THBS4: variants seen among roughly 807,000 people sequenced by gnomAD.
THBS4 encodes the protein thrombospondin 4.
In THBS4, 90 loss-of-function variants were observed where a neutral mutation model predicts 115.7. That is an observed-to-expected ratio of 0.78 (90% CI 0.66 to 0.93). THBS4 has a LOEUF of 0.93. Ranked by LOEUF, THBS4 falls within the 40% of genes least tolerant of loss-of-function variation. The pLI, the probability that THBS4 is intolerant of heterozygous loss-of-function variation, is 0.00. For missense variants in THBS4, 1,087 were observed against 1,232.7 expected, an observed-to-expected ratio of 0.88 and a Z score of 1.77; for synonymous variants, 460 against 479.3, an observed-to-expected ratio of 0.96 and a Z score of 0.53.
intron 8 of THBS4, among the ~76,000 whole-genome samples, chr5:80,064,775 A>T (rs955231653): frequency 1.3e-5 from 2 of 152,228 alleles, no homozygotes; most frequent in African/African-American, 4.8e-5. Context: ...AGAAAAACAG[A>T]TAAGTTTGTA....
intron 1 of THBS4, among the ~76,000 whole-genome samples, chr5:79,991,874 G>T (rs1048787384): frequency 1.2e-4 from 18 of 152,146 alleles, no homozygotes; most frequent in African/African-American, 4.1e-4. Flanking sequence ...GGAGCTCTGG[G>T]TTCTTGTAGC....
rs141690500 is a variant in THBS4, at chr5:80,074,386, C to T, written c.1892+1059C>T. ...CTGGAAGAACATCACCAAAAACAGA[C>T]GTGTGTCACTCAGCCCTAGCGGCAC... On this transcript the variant is annotated intron_variant, in intron 15 of 21. Coordinates refer to ENST00000350881, the MANE Select transcript of THBS4 (RefSeq NM_003248.6). The T allele has an allele frequency of 9.2e-5, 14 of 152,392 alleles. 1 individual carries two copies. The highest frequency in any genetic ancestry group is 4.1e-4 in the South Asian group (2 of 4,828). The allele number at this position is 152,392 out of a possible 1,614,324, so 9.4% of individuals were successfully genotyped here.
At chr5:80,017,994 A>G (rs1407651478) in intron 2 of THBS4, among the ~76,000 whole-genome samples, 6 of 152,036 alleles carry the variant, frequency 3.9e-5, no homozygotes, top group Admixed American at 1.3e-4. Flanking sequence ...TACTTTTAAG[A>G]TAGATCCTCT....
chr5:80,019,136 G>A (rs1832310873), intron 2 of THBS4, among the ~76,000 whole-genome samples: 1 of 150,368 alleles, frequency 6.7e-6, no homozygotes, highest in Admixed American at 6.7e-5. Flanking sequence ...AAAACCACAA[G>A]AAGCAACATC....
chr5:80,060,629 A>G (rs1833599617), intron 7 of THBS4, among the ~76,000 whole-genome samples: 1 of 152,120 alleles, frequency 6.6e-6, no homozygotes, highest in African/African-American at 2.4e-5. Context: ...GCATGGTGGC[A>G]TGTGCCTGTG....
intron 1 of THBS4, chr5:79,991,490 C>CCTTT (rs1831671282): frequency 5.1e-6 from 2 of 393,182 alleles, no homozygotes; most frequent in African/African-American, 4.1e-5. Flanking sequence ...TAGAGTGTTC[C>CCTTT]AAACCCTTTG....
chr5:80,054,617 C>G (rs995505462), intron 2 of THBS4, among the ~76,000 whole-genome samples: 8 of 152,136 alleles, frequency 5.3e-5, no homozygotes, highest in African/African-American at 1.9e-4. Context: ...CTGCGCCCAG[C>G]CTGGCCAATT....
At chr5:80,058,135 G>A in intron 3 of THBS4, 71 bp from the exon 4 acceptor site, 1 of 1,164,956 alleles carries the variant, frequency 8.6e-7, no homozygotes, top group Non-Finnish European at 1.2e-6. Context: ...TATGAAAATT[G>A]CGTGAGTAGG....
At chr5:80,011,843 AGAT>A (rs1832132156) in intron 2 of THBS4, among the ~76,000 whole-genome samples, 1 of 89,270 alleles carries the variant, frequency 1.1e-5, no homozygotes, top group African/African-American at 5.5e-5. Context: ...TTAAGGTAAA[AGAT>A]AAAATATGCT....
At chr5:80,009,139 C>T (rs1832073167) in intron 2 of THBS4, among the ~76,000 whole-genome samples, 1 of 152,118 alleles carries the variant, frequency 6.6e-6, no homozygotes. Flanking sequence ...GGCTCAGGTT[C>T]CCAATATAGA....
At chr5:80,072,906 CCAAATTG>C (rs1834121657) in intron 14 of THBS4, among the ~76,000 whole-genome samples, 1 of 152,164 alleles carries the variant, frequency 6.6e-6, no homozygotes, top group African/African-American at 2.4e-5. Context: ...ATGATTTTGG[CCAAATTG>C]CAAATTGCAG....
At chr5:80,052,458 A>G (rs1833285869) in intron 2 of THBS4, 1 of 152,144 alleles carries the variant, frequency 6.6e-6, no homozygotes, top group African/African-American at 2.4e-5. Context: ...TCTTCATACC[A>G]CATTTATATA....
chr5:80,060,770 A>G (rs1833605567), intron 7 of THBS4, among the ~76,000 whole-genome samples: 1 of 152,172 alleles, frequency 6.6e-6, no homozygotes, highest in Non-Finnish European at 1.5e-5. Flanking sequence ...AACAAAAAAA[A>G]ACATGGTTAG....
intron 7 of THBS4, among the ~76,000 whole-genome samples, chr5:80,060,703 G>A (rs1343799126): frequency 6.6e-6 from 1 of 152,162 alleles, no homozygotes; most frequent in Non-Finnish European, 1.5e-5. Flanking sequence ...AGGCTGCAGT[G>A]AGCCATGATG....
At chr5:80,027,894 C>CAAAAAA (rs1159986888) in intron 2 of THBS4, among the ~76,000 whole-genome samples, 3 of 47,710 alleles carry the variant, frequency 6.3e-5, no homozygotes, top group Admixed American at 2.7e-4. Flanking sequence ...ACCCTGTCTC[C>CAAAAAA]AAAAAAAAAA....
chr5:80,076,561 A>G (rs1743226713), intron 15 of THBS4, among the ~76,000 whole-genome samples: 1 of 152,178 alleles, frequency 6.6e-6, no homozygotes, highest in African/African-American at 2.4e-5. Flanking sequence ...GTTGAGTATC[A>G]TCTAGCAGTT....
chr5:80,058,339 T>A, intron 4 of THBS4, 25 bp downstream of exon 4: 5 of 1,515,366 alleles, frequency 3.3e-6, no homozygotes, highest in Non-Finnish European at 4.5e-6. Flanking sequence ...GCAGTTTGCA[T>A]GCCTTCATCA....
intron 2 of THBS4, among the ~76,000 whole-genome samples, chr5:80,041,532 T>C (rs1032295288): frequency 9.2e-5 from 14 of 152,168 alleles, no homozygotes; most frequent in Non-Finnish European, 1.5e-4. Context: ...GGAAAGAATA[T>C]ACCTCAACCA....
intron 11 of THBS4, 106 bp downstream of exon 11, chr5:80,070,516 A>G (rs1440957236): frequency 1.4e-5 from 19 of 1,389,814 alleles, no homozygotes; most frequent in Non-Finnish European, 1.7e-5. Flanking sequence ...TGTACTTGTA[A>G]AGTAGCTGCA....
Sources: gnomAD v4.1 joint callset for allele counts (sites outside exome capture counted in the v4.1 genomes callset) on GRCh38, gnomAD v4.1.1 for gene constraint, MANE v1.5 for transcripts, NCBI Gene and HGNC (gene_info 2026-07-23, HGNC 2026-07-21) for gene names.